EIF4EBP2: variants seen among roughly 807,000 people sequenced by gnomAD.
The protein encoded by EIF4EBP2 is eukaryotic translation initiation factor 4E binding protein 2.
Under a neutral mutation model 10.3 loss-of-function variants are expected in EIF4EBP2, and 5 were observed. The observed-to-expected ratio is 0.48, with a 90% CI of 0.25 to 1.02. The LOEUF is 1.02. Ranked by LOEUF, EIF4EBP2 falls within the 50% of genes least tolerant of loss-of-function variation. EIF4EBP2 has a pLI of 0.15. For synonymous variants in EIF4EBP2, 67 were observed against 61.1 expected (o/e 1.10, Z -0.45); for missense variants, 188 against 162.2 (o/e 1.16, Z -0.86).
At chr10:70,411,151 C>CT (rs910763880) in intron 1 of EIF4EBP2, among the ~76,000 whole-genome samples, 16 of 152,178 alleles carry the variant, frequency 1.1e-4, no homozygotes, top group African/African-American at 3.6e-4. Context: ...TTGCAACCAT[C>CT]ACCACCATCC....
At chr10:70,415,158 G>GAAA (rs377725171) in intron 1 of EIF4EBP2, among the ~76,000 whole-genome samples, 1 of 107,478 alleles carries the variant, frequency 9.3e-6, no homozygotes, top group African/African-American at 3.4e-5. Context: ...ACCCTCTCTC[G>GAAA]AAAAAAAAAA....
rs1301583696 is a variant in EIF4EBP2, at chr10:70,426,843, C to T, written c.*5096C>T. The T allele has an allele frequency of 6.6e-6, 1 of 152,206 alleles. No homozygotes were observed. The highest frequency in any genetic ancestry group is 2.4e-5 in the African/African-American group (1 of 41,436). The allele number at this position is 152,206 out of a possible 1,614,324, so 9.4% of individuals were successfully genotyped here. On this transcript the variant is annotated 3_prime_UTR_variant, in exon 3 of 3. Coordinates refer to ENST00000373218, the MANE Select transcript of EIF4EBP2 (RefSeq NM_004096.5). ...GGACTCTCAGACCTTACCTTTCCAGCTCAAACACCATTAGTTAAATTCCTT... is the reference window on the plus strand; with the variant it reads ...GGACTCTCAGACCTTACCTTTCCAGTTCAAACACCATTAGTTAAATTCCTT...
At chr10:70,415,235 T>G (rs556256047) in intron 1 of EIF4EBP2, among the ~76,000 whole-genome samples, 2 of 151,962 alleles carry the variant, frequency 1.3e-5, no homozygotes, top group African/African-American at 4.8e-5. Flanking sequence ...GGAATAACTT[T>G]AGTCACAAAG....
At position 70,425,618 on chromosome 10, in the gene EIF4EBP2, G is replaced by A. The variant is rs1845199154; in HGVS notation, c.*3871G>A. ...GACATGGCAATTCCCAGGAGTAGTA[G>A]AAAATAATATGCCTGACTACCAACA... is the stretch of plus-strand genomic sequence containing the variant. On this transcript the variant is annotated 3_prime_UTR_variant, in exon 3 of 3. Transcript: ENST00000373218. The A allele has an allele frequency of 6.6e-6, 1 of 152,348 alleles. No individual in the cohort carries two copies. The highest frequency in any genetic ancestry group is 1.5e-5 in the Non-Finnish European group (1 of 68,050). The allele number at this position is 152,348 out of a possible 1,614,324, so 9.4% of individuals were successfully genotyped here. A position where few individuals can be genotyped will look rare whatever the true frequency, so the allele number is the denominator to read the frequency against.
At chr10:70,404,699 T>G (rs1371756871) in intron 1 of EIF4EBP2, among the ~76,000 whole-genome samples, 153 bp downstream of exon 1, 1 of 152,158 alleles carries the variant, frequency 6.6e-6, no homozygotes, top group Non-Finnish European at 1.5e-5. Context: ...TTCGGGACCC[T>G]TTACTTCGTG....
rs1238608865 is a variant in EIF4EBP2, at chr10:70,425,512, G to A, written c.*3765G>A. ...GAAAGATAGATTGCTATCAAAAACA[G>A]TTCTCCAAGATGTGCATAGCCAAAC... is the stretch of plus-strand genomic sequence containing the variant. On this transcript the variant is annotated 3_prime_UTR_variant, in exon 3 of 3. Coordinates refer to ENST00000373218, the MANE Select transcript of EIF4EBP2 (RefSeq NM_004096.5). 6.6e-6 allele frequency: 1 copy of A among 152,202 alleles called. No homozygotes were observed. The highest frequency in any genetic ancestry group is 1.5e-5 in the Non-Finnish European group (1 of 68,032). The allele number at this position is 152,202 out of a possible 1,614,324, so 9.4% of individuals were successfully genotyped here.
In EIF4EBP2 at chr10:70,407,730, A is replaced by AT. The variant is rs759547618; in HGVS notation, c.145+3184_145+3185insT. Reference sequence around the variant, plus strand: ...CGCTCACCTCCCGGGCGGGGGGCTGACCCCCCCCCCACCTCCCTCCCAGAC... The same window carrying AT: ...CGCTCACCTCCCGGGCGGGGGGCTGATCCCCCCCCCCACCTCCCTCCCAGAC... On this transcript the variant is annotated intron_variant, in intron 1 of 2. Transcript: ENST00000373218. Among the ~76,000 whole-genome samples the AT allele has an allele frequency of 6.4e-4, 66 of 103,580 alleles. 2 individuals are homozygous for AT. Among genetic ancestry groups the AT allele is most frequent in the African/African-American group, 2.8e-3 (63 of 22,172 alleles). The allele number at this position is 103,580 out of a possible 152,430, so 68.0% of individuals were successfully genotyped here.
rs923738278 is a variant in EIF4EBP2 at position 70,427,688 on chromosome 10, C to A, written c.*5941C>A. On this transcript the variant is annotated 3_prime_UTR_variant, in exon 3 of 3. Coordinates refer to ENST00000373218, the MANE Select transcript of EIF4EBP2 (RefSeq NM_004096.5). ...CTCTCTGCCTGCAGCCCTGGCAGAC[C>A]ATACTGTATGTCATGGATACCCAGT... is the stretch of plus-strand genomic sequence containing the variant. The A allele has an allele frequency of 6.6e-6, 1 of 152,130 alleles. No individual in the cohort carries two copies. Among genetic ancestry groups the A allele is most frequent in the Non-Finnish European group, 1.5e-5 (1 of 68,022 alleles). 9.4% of individuals were successfully genotyped at this position (152,130 alleles called of 1,614,324 possible).
chr10:70,411,491 G>C (rs990542390), intron 1 of EIF4EBP2, among the ~76,000 whole-genome samples: 1 of 151,856 alleles, frequency 6.6e-6, no homozygotes, highest in Non-Finnish European at 1.5e-5. Flanking sequence ...ACATTCCGAT[G>C]CCCCGTTCCT....
chr10:70,428,567 T>A lies in EIF4EBP2; in HGVS notation c.*6820T>A, dbSNP rs1039864299. 2 of 152,242 alleles carry A rather than the reference T, an allele frequency of 1.3e-5. No homozygotes were observed. Among genetic ancestry groups the A allele is most frequent in the African/African-American group, 4.8e-5 (2 of 41,468 alleles). 9.4% of individuals were successfully genotyped at this position (152,242 alleles called of 1,614,324 possible). The stretch of plus-strand genomic sequence containing the variant: ...TTGGAAATTAAGGAAAAAATTAAAT[T>A]CTCATCAATGGTTGCTGTTATAGTT... On this transcript the variant is annotated 3_prime_UTR_variant, in exon 3 of 3. Transcript: ENST00000373218.
intron 1 of EIF4EBP2, among the ~76,000 whole-genome samples, chr10:70,413,540 CAAG>C (rs1845064197): frequency 7.2e-6 from 1 of 138,050 alleles, no homozygotes; most frequent in Non-Finnish European, 1.5e-5. Flanking sequence ...CCCAGGAGGT[CAAG>C]GTTGCAGTAA....
intron 1 of EIF4EBP2, among the ~76,000 whole-genome samples, chr10:70,405,992 T>G (rs1379901652): frequency 6.6e-6 from 1 of 152,196 alleles, no homozygotes; most frequent in East Asian, 1.9e-4. Flanking sequence ...CAACTCGTGT[T>G]TGAGCATGGT....
In EIF4EBP2 at chr10:70,422,142, A is replaced by G. The variant is rs570904830; in HGVS notation, c.*395A>G. 21 of 198,022 alleles carry G rather than the reference A, an allele frequency of 1.1e-4. No homozygotes were observed. Among genetic ancestry groups the G allele is most frequent in the African/African-American group, 3.6e-4 (16 of 43,934 alleles). The allele number at this position is 198,022 out of a possible 1,614,324, so 12.3% of individuals were successfully genotyped here. A position where few individuals can be genotyped will look rare whatever the true frequency, so the allele number is the denominator to read the frequency against. ...ACTGCCTGGCTGGGAAGTCTGGGGA[A>G]GGGATACAGAGCTTGGTGGGCCTAA... On this transcript the variant is annotated 3_prime_UTR_variant, in exon 3 of 3. Coordinates refer to ENST00000373218, the MANE Select transcript of EIF4EBP2 (RefSeq NM_004096.5).
chr10:70,419,315 G>A (rs1174764746), intron 1 of EIF4EBP2, among the ~76,000 whole-genome samples: 1 of 152,176 alleles, frequency 6.6e-6, no homozygotes, highest in Non-Finnish European at 1.5e-5. Flanking sequence ...AAACATTCAG[G>A]TAGCACTTAA....
chr10:70,405,459 C>T (rs1171785720), intron 1 of EIF4EBP2, among the ~76,000 whole-genome samples: 1 of 152,160 alleles, frequency 6.6e-6, no homozygotes, highest in African/African-American at 2.4e-5. Flanking sequence ...GTTGTCTGTG[C>T]CCTAACTGGG....
chr10:70,409,080 C>A (rs979731579), intron 1 of EIF4EBP2, among the ~76,000 whole-genome samples: 16 of 152,284 alleles, frequency 1.1e-4, no homozygotes, highest in African/African-American at 3.6e-4. Flanking sequence ...GTTTCTCCCC[C>A]TTGAAGAGTT....
rs750558076 is a variant in EIF4EBP2, at chr10:70,407,730, A to ACCC, written c.145+3192_145+3194dup. ...CGCTCACCTCCCGGGCGGGGGGCTG[A>ACCC]CCCCCCCCCCACCTCCCTCCCAGAC... On this transcript the variant is annotated intron_variant, in intron 1 of 2. Transcript: ENST00000373218. 1.4e-3 allele frequency among the ~76,000 whole-genome samples: 148 copies of ACCC among 103,554 alleles called. 8 individuals are homozygous for ACCC. Among genetic ancestry groups the ACCC allele is most frequent in the African/African-American group, 3.8e-3 (85 of 22,192 alleles). The allele number at this position is 103,554 out of a possible 152,430, so 67.9% of individuals were successfully genotyped here.
chr10:70,420,190 GTTTTGTT>G (rs994007866), intron 2 of EIF4EBP2, 91 bp downstream of exon 2: 118 of 1,365,426 alleles, frequency 8.6e-5, no homozygotes, highest in Non-Finnish European at 1.0e-4. Context: ...TGATTCTTCA[GTTTTGTT>G]TTTTGTTTTT....
chr10:70,421,588 GT>G (rs1390478637), intron 2 of EIF4EBP2, 127 bp from the exon 3 acceptor site: 4 of 811,608 alleles, frequency 4.9e-6, no homozygotes, highest in Non-Finnish European at 6.0e-6. Context: ...CAGAGTAATT[GT>G]TTTAAGGCAG....
Sources: allele counts gnomAD v4.1 joint callset (sites outside exome capture counted in the v4.1 genomes callset), GRCh38; gene constraint gnomAD v4.1.1; transcripts MANE v1.5; gene names NCBI Gene and HGNC (gene_info 2026-07-23, HGNC 2026-07-21).